The following PLAA variants were observed in gnomAD, a reference collection of about 807,000 sequenced individuals.
The protein encoded by PLAA is phospholipase A2 activating protein.
In PLAA, 48 loss-of-function variants were observed where a neutral mutation model predicts 84.1. That is an observed-to-expected ratio of 0.57 (90% confidence interval 0.45 to 0.73). The LOEUF (loss-of-function observed/expected upper bound fraction) is 0.73, where lower values mean the gene tolerates loss of function less well. Among genes scored for constraint, PLAA ranks in the 30% least tolerant of loss-of-function variants. The probability of loss-of-function intolerance (pLI) is 0.00; values close to 1 mark genes in which losing one functional copy is unlikely to be tolerated. For missense variants in PLAA, 903 were observed against 954.7 expected, an observed-to-expected ratio of 0.95 and a Z score of 0.71; for synonymous variants, 392 against 336.6, an observed-to-expected ratio of 1.16 and a Z score of -1.80.
At chr9:26,928,057 TA>T in intron 4 of PLAA, 42 bp downstream of exon 4, 2 of 1,558,690 alleles carry the variant, frequency 1.3e-6, no homozygotes, top group Non-Finnish European at 1.7e-6. Context: ...TCTGAGCAAA[TA>T]AAAAGCAATG....
chr9:26,925,245 C>A (rs1824903829), intron 6 of PLAA, among the ~76,000 whole-genome samples: 1 of 152,188 alleles, frequency 6.6e-6, no homozygotes, highest in Non-Finnish European at 1.5e-5. Flanking sequence ...ATAAGTTCTG[C>A]TTCAATCCTA....
At chr9:26,914,122 A>G (rs550180874) in intron 10 of PLAA, among the ~76,000 whole-genome samples, 175 bp from the exon 11 acceptor site, 1 of 152,362 alleles carries the variant, frequency 6.6e-6, no homozygotes, top group South Asian at 2.1e-4. Context: ...TGAGCATATC[A>G]TAAGTGTTAG....
chr9:26,905,220 C>T lies in PLAA; in HGVS notation c.*291G>A. The T allele has an allele frequency of 3.0e-6, 1 of 331,294 alleles. No individual in the cohort carries two copies. Among genetic ancestry groups the T allele is most frequent in the Non-Finnish European group, 5.5e-6 (1 of 180,482 alleles). 20.5% of individuals were successfully genotyped at this position (331,294 alleles called of 1,614,324 possible). A position where few individuals can be genotyped will look rare whatever the true frequency, so the allele number is the denominator to read the frequency against. On this transcript the variant is annotated 3_prime_UTR_variant, in exon 14 of 14. Coordinates refer to ENST00000397292, the MANE Select transcript of PLAA (RefSeq NM_001031689.3). ...TTATATGAGTAACAGCCCTTGTCTTCTTAGTGGCTAAGGTAAGGGGAAGAT... is the reference window on the plus strand; with the variant it reads ...TTATATGAGTAACAGCCCTTGTCTTTTTAGTGGCTAAGGTAAGGGGAAGAT...
At chr9:26,912,159 C>A (rs1824420584) in intron 11 of PLAA, among the ~76,000 whole-genome samples, 1 of 151,844 alleles carries the variant, frequency 6.6e-6, no homozygotes, top group African/African-American at 2.4e-5. Context: ...CTGAGCTTAT[C>A]TAATAAATAC....
intron 1 of PLAA, 90 bp from the exon 2 acceptor site, chr9:26,935,296 T>C (rs1435609652): frequency 2.6e-6 from 2 of 776,384 alleles, no homozygotes; most frequent in South Asian, 2.3e-5. Flanking sequence ...TCATTTAGTG[T>C]CTAGACAAAC....
intron 1 of PLAA, among the ~76,000 whole-genome samples, chr9:26,936,639 C>T (rs190987119): frequency 6.6e-6 from 1 of 152,192 alleles, no homozygotes; most frequent in Non-Finnish European, 1.5e-5. Flanking sequence ...TGCATCTGTT[C>T]CCAGAGAACC....
intron 2 of PLAA, among the ~76,000 whole-genome samples, chr9:26,930,640 T>C (rs1464653899): frequency 6.6e-6 from 1 of 151,038 alleles, no homozygotes; most frequent in Admixed American, 6.6e-5. Flanking sequence ...TGGAGTGCAA[T>C]GGTGCAATCT....
At chr9:26,910,923 C>T (rs189805344) in intron 11 of PLAA, among the ~76,000 whole-genome samples, 61 of 152,260 alleles carry the variant, frequency 4.0e-4, no homozygotes, top group Middle Eastern at 3.4e-3. Context: ...GCTGATCTCT[C>T]CTTTTATGTC....
chr9:26,910,868 CAT>C (rs1824378592), intron 11 of PLAA, among the ~76,000 whole-genome samples: 1 of 152,010 alleles, frequency 6.6e-6, no homozygotes, highest in South Asian at 2.1e-4. Context: ...CAAAGAATAC[CAT>C]ATGATTATAT....
intron 2 of PLAA, among the ~76,000 whole-genome samples, chr9:26,928,677 C>T (rs1195288948): frequency 2.0e-5 from 3 of 152,256 alleles, no homozygotes; most frequent in Middle Eastern, 3.4e-3. Flanking sequence ...GTCTGTGAAA[C>T]GAGGGAGCGG....
intron 1 of PLAA, among the ~76,000 whole-genome samples, chr9:26,942,617 T>TCACG (rs776256550): frequency 6.4e-4 from 92 of 143,100 alleles, no homozygotes; most frequent in Admixed American, 1.1e-3. Context: ...GCATGGTGGC[T>TCACG]CACGCCTGTA....
Position 26,905,804 on chromosome 9 carries a change from G to T in PLAA, c.2095C>A (p.His699Asn), listed in dbSNP as rs758449065. Residue 699 changes from histidine to asparagine, a missense_variant, in exon 14 of 14, where the codon CAC (histidine) becomes AAC (asparagine). Transcript: ENST00000397292. ...AGGGCCAATGTAGCCAGAGCAATGT[G>T]AATGTTCTTATTGCTCCCTGATTTC... ...ELKSGSNKNIHIALATLALNY... is the reference protein window; with the variant it reads ...ELKSGSNKNINIALATLALNY... 26 of 1,614,086 alleles carry T rather than the reference G, an allele frequency of 1.6e-5. No individual in the cohort carries two copies. The highest frequency in any genetic ancestry group is 3.4e-6 in the Non-Finnish European group (4 of 1,180,040).
chr9:26,942,382 G>A (rs1587195387), intron 1 of PLAA, among the ~76,000 whole-genome samples: 1 of 152,200 alleles, frequency 6.6e-6, no homozygotes, highest in East Asian at 1.9e-4. Context: ...GCATTGTCAG[G>A]AGAGGAAATT....
chr9:26,907,868 A>G lies in PLAA; in HGVS notation c.1788T>C (p.Leu596=), dbSNP rs1824284159. 6.2e-7 allele frequency: 1 copy of G among 1,609,760 alleles called. No individual in the cohort carries two copies. The highest frequency in any genetic ancestry group is 8.5e-7 in the Non-Finnish European group (1 of 1,179,054). ...AGTTAATAGCTTTCCACAAAATCTG[A>G]AGTTGCTGGACTGTGGGTTTTTCTG... ...SSSEKPTVQQ[L]QILWKAINCP... is the part of the protein sequence containing the mutation. The change falls in exon 13 of 14, where the codon CTT becomes CTC. Residue 596 remains leucine, a synonymous_variant. Coordinates refer to ENST00000397292, the MANE Select transcript of PLAA (RefSeq NM_001031689.3).
Position 26,928,383 on chromosome 9 carries a change from A to G in PLAA, c.369T>C (p.Phe123=), listed in dbSNP as rs766024904. ...NTVCSLSSGK[F]GTLLSGSWDT... ...CCCATGAACCACTAAGTAATGTCCC[A>G]AATTTTCCAGATGATAGACTACAAA... Residue 123 remains phenylalanine (F), a synonymous_variant, in exon 3 of 14, where the codon TTT becomes TTC. Coordinates refer to ENST00000397292, the MANE Select transcript of PLAA (RefSeq NM_001031689.3). 1.2e-6 allele frequency: 2 copies of G among 1,613,304 alleles called. No homozygotes were observed. Among genetic ancestry groups the G allele is most frequent in the South Asian group, 2.2e-5 (2 of 91,072 alleles).
chr9:26,934,728 C>T (rs1003129000), intron 2 of PLAA, among the ~76,000 whole-genome samples: 4 of 152,026 alleles, frequency 2.6e-5, no homozygotes, highest in Non-Finnish European at 5.9e-5. Context: ...ATCTGCCTGT[C>T]TCACCCTCCC....
intron 2 of PLAA, among the ~76,000 whole-genome samples, chr9:26,931,617 G>C (rs1825187613): frequency 1.3e-5 from 2 of 151,980 alleles, no homozygotes. Flanking sequence ...CAGCTTACAA[G>C]AAATATAGGT....
chr9:26,915,580 G>T, intron 10 of PLAA: 2 of 520,630 alleles, frequency 3.8e-6, no homozygotes, highest in Non-Finnish European at 4.9e-6. Context: ...CAGGCATTTT[G>T]CTTAACACTT....
At chr9:26,939,355 T>A (rs1011741366) in intron 1 of PLAA, among the ~76,000 whole-genome samples, 3 of 151,670 alleles carry the variant, frequency 2.0e-5, no homozygotes, top group African/African-American at 7.3e-5. Flanking sequence ...GCCACTGCAC[T>A]CCAGCCTGGG....
Sources: allele counts gnomAD v4.1 joint callset (sites outside exome capture counted in the v4.1 genomes callset), GRCh38; gene constraint gnomAD v4.1.1; transcripts MANE v1.5; gene names NCBI Gene and HGNC (gene_info 2026-07-23, HGNC 2026-07-21).